ANKUB1: variants seen among roughly 807,000 people sequenced by gnomAD.
The protein encoded by ANKUB1 is protein ANKUB1.
In ANKUB1, 42 loss-of-function variants were observed where a neutral mutation model predicts 49.3. The ratio of observed to expected loss-of-function variants is 0.85; its 90% confidence interval spans 0.67 to 1.10. ANKUB1 has a LOEUF of 1.10. Ranked by LOEUF, ANKUB1 falls within the 50% of genes least tolerant of loss-of-function variation. ANKUB1 has a pLI of 0.00. For missense variants in ANKUB1, 613 were observed against 642.0 expected (o/e 0.95, Z 0.49); for synonymous variants, 222 against 231.0 (o/e 0.96, Z 0.35).
At chr3:149,789,653 G>A (rs1203125485) in intron 2 of ANKUB1, among the ~76,000 whole-genome samples, 5 of 134,626 alleles carry the variant, frequency 3.7e-5, no homozygotes, top group Admixed American at 7.8e-5. Context: ...TTTCCGAGAT[G>A]GGGTCTCACT....
chr3:149,762,432 C>T (rs543994578), intron 5 of ANKUB1, among the ~76,000 whole-genome samples: 16 of 152,284 alleles, frequency 1.1e-4, no homozygotes, highest in African/African-American at 2.4e-4. Context: ...AAGCTAGAAA[C>T]GAAACTAAAT....
chr3:149,778,262 G>C (rs1008758593), intron 3 of ANKUB1: 3 of 152,178 alleles, frequency 2.0e-5, no homozygotes, highest in African/African-American at 7.2e-5. Context: ...GCCTACTCAG[G>C]TCATGCTTAG....
intron 4 of ANKUB1, among the ~76,000 whole-genome samples, chr3:149,770,268 A>G (rs926279122): frequency 2.6e-5 from 4 of 152,152 alleles, no homozygotes; most frequent in African/African-American, 7.2e-5. Flanking sequence ...GGAATTTTCA[A>G]CTGTATGGGG....
At chr3:149,781,818 T>G (rs1717884361) in intron 2 of ANKUB1, among the ~76,000 whole-genome samples, 1 of 152,204 alleles carries the variant, frequency 6.6e-6, no homozygotes, top group Non-Finnish European at 1.5e-5. Flanking sequence ...CTGAAGTGAT[T>G]AGGAACAGTT....
In ANKUB1 at chr3:149,792,407, C is replaced by A; in HGVS notation, c.-41G>T. The A allele has an allele frequency of 7.0e-7, 1 of 1,426,542 alleles. No homozygotes were observed. The highest frequency in any genetic ancestry group is 9.3e-7 in the Non-Finnish European group (1 of 1,070,244). The allele number at this position is 1,426,542 out of a possible 1,614,324, so 88.4% of individuals were successfully genotyped here. A position where few individuals can be genotyped will look rare whatever the true frequency, so the allele number is the denominator to read the frequency against. ...TCAAACAAAAAATATCCAACTTTTT[C>A]AAAGATTCTCCTGGATGGCTAGAAA... On this transcript the variant is annotated 5_prime_UTR_variant, in exon 1 of 6. Transcript: ENST00000446160.
At chr3:149,779,835 T>C (rs752194316) in intron 3 of ANKUB1, 2 of 183,714 alleles carry the variant, frequency 1.1e-5, no homozygotes, top group African/African-American at 4.7e-5. Context: ...ACCCTCCTTA[T>C]TTCTTAGTCT....
chr3:149,767,972 C>A lies in ANKUB1; in HGVS notation c.690G>T (p.Trp230Cys). The A allele has an allele frequency of 6.5e-7, 1 of 1,539,258 alleles. No individual in the cohort carries two copies. The highest frequency in any genetic ancestry group is 2.0e-5 in the Admixed American group (1 of 50,624). ...CATCTGCATGAAGGGCTTCATGGCA[C>A]CATGCTCGATAGGGGTGAACACCGA... Reference protein sequence around the residue: ...EAVGVHPYRAWCHEALHADVS... With the variant: ...EAVGVHPYRACCHEALHADVS... Residue 230 changes from tryptophan (W) to cysteine (C), a missense_variant, in exon 5 of 6, where the codon TGG becomes TGT. Transcript: ENST00000446160.
Position 149,767,515 on chromosome 3 carries a change from G to A in ANKUB1, c.1147C>T (p.Gln383Ter). The change falls in exon 5 of 6, where the codon CAA (glutamine) becomes TAA (stop). Residue 383 changes from glutamine (Q) to a stop codon, truncating the protein, a stop_gained. Transcript: ENST00000446160. LOFTEE classifies it high-confidence loss of function. ...TTGACAGGTTTGCTGCTTGCAGTTTGTTTGCTGAGAGATGGTAGCTTGAGC... is the reference window on the plus strand; with the variant it reads ...TTGACAGGTTTGCTGCTTGCAGTTTATTTGCTGAGAGATGGTAGCTTGAGC... ...IVLKLPSLSK[Q>*]TASSKPVNPL... 6.4e-7 allele frequency: 1 copy of A among 1,551,696 alleles called. No individual in the cohort carries two copies. Among genetic ancestry groups the A allele is most frequent in the Non-Finnish European group, 8.7e-7 (1 of 1,146,992 alleles).
intron 2 of ANKUB1, among the ~76,000 whole-genome samples, chr3:149,781,381 T>C (rs1288964718): frequency 6.6e-6 from 1 of 152,174 alleles, no homozygotes; most frequent in Non-Finnish European, 1.5e-5. Flanking sequence ...TTTCCACTTT[T>C]CTCATGAAAA....
chr3:149,780,122 G>A, intron 3 of ANKUB1, 117 bp downstream of exon 3: 2 of 799,668 alleles, frequency 2.5e-6, no homozygotes, highest in Non-Finnish European at 4.0e-6. Flanking sequence ...TGTAAATAAA[G>A]TTAACAGATT....
chr3:149,770,180 T>C (rs1173885368), intron 4 of ANKUB1, among the ~76,000 whole-genome samples: 4 of 152,242 alleles, frequency 2.6e-5, no homozygotes, highest in African/African-American at 7.2e-5. Context: ...ACGTGTTAAT[T>C]GACTGTGTTA....
chr3:149,791,228 T>C (rs962181724), intron 1 of ANKUB1, among the ~76,000 whole-genome samples: 13 of 152,202 alleles, frequency 8.5e-5, no homozygotes, highest in Non-Finnish European at 8.8e-5. Flanking sequence ...CTGACACCAA[T>C]AGAAGTCACA....
intron 2 of ANKUB1, among the ~76,000 whole-genome samples, chr3:149,787,943 A>G (rs1718181773): frequency 1.3e-5 from 2 of 152,198 alleles, no homozygotes; most frequent in Admixed American, 1.3e-4. Flanking sequence ...AAGTTTTTGA[A>G]CTTTACAAAA....
intron 3 of ANKUB1, among the ~76,000 whole-genome samples, chr3:149,777,591 T>C (rs1014397361): frequency 6.6e-6 from 1 of 152,240 alleles, no homozygotes; most frequent in African/African-American, 2.4e-5. Flanking sequence ...ACCCTCCTCC[T>C]TCTGCCCTTG....
intron 3 of ANKUB1, among the ~76,000 whole-genome samples, chr3:149,778,003 A>C (rs773718373): frequency 1.4e-4 from 22 of 152,198 alleles, no homozygotes; most frequent in Non-Finnish European, 3.1e-4. Flanking sequence ...GCCAAGGTTC[A>C]ACTCCTGATA....
chr3:149,785,909 C>T (rs972309304), intron 2 of ANKUB1, among the ~76,000 whole-genome samples: 1 of 152,220 alleles, frequency 6.6e-6, no homozygotes, highest in South Asian at 2.1e-4. Flanking sequence ...TCTCCACATC[C>T]TCTCCAGCAC....
Position 149,777,500 on chromosome 3 carries a change from C to CA in ANKUB1, c.451+2738dup, listed in dbSNP as rs1553743228. Among the ~76,000 whole-genome samples, 879 of 151,448 alleles carry CA rather than the reference C, an allele frequency of 5.8e-3. 6 individuals carry two copies. The highest frequency in any genetic ancestry group is 0.02 in the African/African-American group (842 of 41,228). On this transcript the variant is annotated intron_variant, in intron 3 of 5. Coordinates refer to ENST00000446160, the MANE Select transcript of ANKUB1 (RefSeq NM_001144960.3). ...CAAACAACAACAACAACAACAACAA[C>CA]AAAAAAACACTCCTGTTCCAGAAGG...
chr3:149,774,551 A>G (rs929994724), intron 3 of ANKUB1, among the ~76,000 whole-genome samples: 1 of 152,162 alleles, frequency 6.6e-6, no homozygotes, highest in African/African-American at 2.4e-5. Flanking sequence ...CCTCCTGCCT[A>G]CTGCTGAATG....
intron 2 of ANKUB1, among the ~76,000 whole-genome samples, chr3:149,786,068 C>A (rs1718086189): frequency 6.8e-6 from 1 of 147,858 alleles, no homozygotes; most frequent in East Asian, 1.9e-4. Flanking sequence ...CAGAGTCTCG[C>A]TTTTTCGCCC....
Sources: gnomAD v4.1 joint callset for allele counts (sites outside exome capture counted in the v4.1 genomes callset) on GRCh38, gnomAD v4.1.1 for gene constraint, MANE v1.5 for transcripts, NCBI Gene and HGNC (gene_info 2026-07-23, HGNC 2026-07-21) for gene names.